VAT1L: variants seen among roughly 807,000 people sequenced by gnomAD.
VAT1L encodes the protein vesicle amine transport 1 like, also known as putative NADPH-dependent quinone oxidoreductase VAT1L.
In VAT1L, 34 loss-of-function variants were observed where a neutral mutation model predicts 44.1. That is an observed-to-expected ratio of 0.77 (90% CI 0.59 to 1.03). The LOEUF (loss-of-function observed/expected upper bound fraction) is 1.03. VAT1L is among the 50% of genes least tolerant of loss of function. VAT1L has a pLI of 0.00. For missense variants in VAT1L, 615 were observed against 538.8 expected (o/e 1.14, Z -1.40); for synonymous variants, 253 against 202.2 (o/e 1.25, Z -2.13).
chr16:77,968,424 A>T (rs4888706), intron 7 of VAT1L, among the ~76,000 whole-genome samples: 136,320 of 152,286 alleles, frequency 0.9, 61,239 homozygotes, highest in East Asian at 1. Context: ...TGTTTAAATG[A>T]AGAATAAAAA....
At chr16:77,972,470 A>T (rs2018290888) in intron 8 of VAT1L, among the ~76,000 whole-genome samples, 1 of 152,322 alleles carries the variant, frequency 6.6e-6, no homozygotes, top group East Asian at 1.9e-4. Context: ...GGAGACCACC[A>T]CCACACCCAG....
intron 7 of VAT1L, among the ~76,000 whole-genome samples, chr16:77,914,304 C>T (rs1176194384): frequency 6.6e-6 from 1 of 152,176 alleles, no homozygotes; most frequent in Non-Finnish European, 1.5e-5. Flanking sequence ...ATTTGGCTAT[C>T]TATGCTTTTG....
At chr16:77,911,491 T>A (rs1233574644) in intron 7 of VAT1L, among the ~76,000 whole-genome samples, 1 of 152,174 alleles carries the variant, frequency 6.6e-6, no homozygotes, top group Non-Finnish European at 1.5e-5. Flanking sequence ...TCCCTCGGCC[T>A]CACCCTTGCT....
chr16:77,820,443 C>T (rs1181605041), intron 2 of VAT1L, among the ~76,000 whole-genome samples: 1 of 152,200 alleles, frequency 6.6e-6, no homozygotes, highest in Non-Finnish European at 1.5e-5. Flanking sequence ...GAAAGCTCAT[C>T]GATGCTCACA....
chr16:77,951,912 A>T (rs949744840), intron 7 of VAT1L, among the ~76,000 whole-genome samples: 1 of 152,044 alleles, frequency 6.6e-6, no homozygotes, highest in African/African-American at 2.4e-5. Flanking sequence ...GGGCAGAGAG[A>T]TTGAACTCAA....
At chr16:77,890,397 T>G (rs2017251876) in intron 7 of VAT1L, among the ~76,000 whole-genome samples, 1 of 152,050 alleles carries the variant, frequency 6.6e-6, no homozygotes. Context: ...GAGTTTGAGC[T>G]TACATCCTGG....
chr16:77,940,684 C>G (rs1448889593), intron 7 of VAT1L, among the ~76,000 whole-genome samples: 1 of 152,100 alleles, frequency 6.6e-6, no homozygotes, highest in African/African-American at 2.4e-5. Flanking sequence ...ATGAATTTTG[C>G]ACCCAGCTCA....
intron 3 of VAT1L, among the ~76,000 whole-genome samples, chr16:77,861,506 G>C (rs1026712719): frequency 1.3e-5 from 2 of 152,166 alleles, no homozygotes; most frequent in African/African-American, 4.8e-5. Context: ...TGGACATCTC[G>C]GCAATGGATA....
rs140733881 is a variant in VAT1L at position 77,963,855 on chromosome 16, G to C, written c.1078-7995G>C. Among the ~76,000 whole-genome samples the C allele has an allele frequency of 6.5e-3, 991 of 152,286 alleles. 4 individuals are homozygous for C. The highest frequency in any genetic ancestry group is 0.014 in the Middle Eastern group (4 of 294). ...CTTCCCAGCACAGAAATGATTTGAAGCAATCAGAGACGAGCTGTCTCACTA... is the reference window on the plus strand; with the variant it reads ...CTTCCCAGCACAGAAATGATTTGAACCAATCAGAGACGAGCTGTCTCACTA... On this transcript the variant is annotated intron_variant, in intron 7 of 8. Transcript: ENST00000302536.
At chr16:77,928,703 C>T (rs925327921) in intron 7 of VAT1L, among the ~76,000 whole-genome samples, 1 of 151,966 alleles carries the variant, frequency 6.6e-6, no homozygotes, top group East Asian at 1.9e-4. Flanking sequence ...AAATCAGTAA[C>T]AAAAACAATT....
chr16:77,947,832 T>C (rs900120574), intron 7 of VAT1L, among the ~76,000 whole-genome samples: 4 of 152,220 alleles, frequency 2.6e-5, no homozygotes, highest in African/African-American at 7.2e-5. Flanking sequence ...TGATCTTGGC[T>C]CACCACAACC....
chr16:77,855,561 A>C (rs2016849843), intron 3 of VAT1L, among the ~76,000 whole-genome samples: 1 of 152,156 alleles, frequency 6.6e-6, no homozygotes, highest in African/African-American at 2.4e-5. Flanking sequence ...GGTTCAGTGG[A>C]ATTGGTGCTC....
rs148912691 is a variant in VAT1L, at chr16:77,956,166, G to A, written c.1078-15684G>A. On this transcript the variant is annotated intron_variant, in intron 7 of 8. Coordinates refer to ENST00000302536, the MANE Select transcript of VAT1L (RefSeq NM_020927.3). ...TGTGATTACTATCTATTGCATGCCT[G>A]TATCAAAACATCTCATGTACCCCAT... Among the ~76,000 whole-genome samples the A allele has an allele frequency of 2.7e-3, 407 of 152,208 alleles. 2 individuals are homozygous for A. The highest frequency in any genetic ancestry group is 9.0e-3 in the African/African-American group (374 of 41,518).
chr16:77,934,083 C>A (rs2017764199), intron 7 of VAT1L, among the ~76,000 whole-genome samples: 1 of 152,126 alleles, frequency 6.6e-6, no homozygotes, highest in African/African-American at 2.4e-5. Flanking sequence ...AATTAGGGAG[C>A]TACTGAAGTC....
intron 7 of VAT1L, among the ~76,000 whole-genome samples, chr16:77,899,347 C>T (rs1165043194): frequency 2.0e-5 from 3 of 152,234 alleles, no homozygotes; most frequent in East Asian, 3.9e-4. Context: ...GTTGCCCCGT[C>T]AGGCATCCTG....
intron 6 of VAT1L, among the ~76,000 whole-genome samples, chr16:77,880,931 T>C (rs760888928): frequency 4.9e-4 from 75 of 152,320 alleles, no homozygotes; most frequent in Non-Finnish European, 9.3e-4. Flanking sequence ...CATGATTCCA[T>C]TCTTTTTTAT....
intron 3 of VAT1L, among the ~76,000 whole-genome samples, chr16:77,851,668 A>T (rs2016809875): frequency 6.6e-6 from 1 of 151,520 alleles, no homozygotes; most frequent in South Asian, 2.1e-4. Flanking sequence ...AATAATAATA[A>T]GAGAGAGAGA....
At chr16:77,797,758 C>G (rs1348191511) in intron 1 of VAT1L, among the ~76,000 whole-genome samples, 3 of 152,196 alleles carry the variant, frequency 2.0e-5, no homozygotes, top group African/African-American at 7.2e-5. Flanking sequence ...CTTCCTTTTC[C>G]TAAGAGAGAG....
At chr16:77,844,548 A>G (rs2016739622) in intron 3 of VAT1L, among the ~76,000 whole-genome samples, 2 of 152,122 alleles carry the variant, frequency 1.3e-5, no homozygotes, top group Admixed American at 1.3e-4. Flanking sequence ...AGGTGGGACT[A>G]CAGGTGCCCA....
Sources: gnomAD v4.1 joint callset for allele counts (sites outside exome capture counted in the v4.1 genomes callset) on GRCh38, gnomAD v4.1.1 for gene constraint, MANE v1.5 for transcripts, NCBI Gene and HGNC (gene_info 2026-07-23, HGNC 2026-07-21) for gene names.